DLGAP2: variants seen among roughly 807,000 people sequenced by gnomAD.
The protein encoded by DLGAP2 is disks large-associated protein 2.
Under a neutral mutation model 100.3 loss-of-function variants are expected in DLGAP2, and 26 were observed. That is an observed-to-expected ratio of 0.26 (90% CI 0.19 to 0.36). The LOEUF (loss-of-function observed/expected upper bound fraction) is 0.36, where lower values mean the gene tolerates loss of function less well. DLGAP2 is among the 10% of genes least tolerant of loss of function. The probability of loss-of-function intolerance (pLI) is 1.00; values close to 1 mark genes in which losing one functional copy is unlikely to be tolerated. For synonymous variants in DLGAP2, 886 were observed against 630.1 expected (o/e 1.41, Z -6.08); for missense variants, 1,858 against 1,453.2 (o/e 1.28, Z -4.53).
chr8:1,039,606 GCGTGGT>G lies in DLGAP2; in HGVS notation c.73+131642_73+131647del, dbSNP rs1563158805. 5.7e-4 allele frequency among the ~76,000 whole-genome samples: 51 copies of G among 88,822 alleles called. 6 individuals are homozygous for G. Among genetic ancestry groups the G allele is most frequent in the Middle Eastern group, 0.015 (2 of 136 alleles). The allele number at this position is 88,822 out of a possible 152,430, so 58.3% of individuals were successfully genotyped here. On this transcript the variant is annotated intron_variant, in intron 2 of 14. Transcript: ENST00000637795. ...TCGGTGTGCGTGGTCAGCTTGGTGT[GCGTGGT>G]CAGCTCGGTGTGCGTGGTCAGCTCG...
chr8:1,323,180 C>T (rs1177269451), intron 3 of DLGAP2, among the ~76,000 whole-genome samples: 3 of 152,022 alleles, frequency 2.0e-5, no homozygotes, highest in Non-Finnish European at 4.4e-5. Context: ...CAGGCACCAG[C>T]CTCCACGCCC....
intron 3 of DLGAP2, among the ~76,000 whole-genome samples, chr8:1,267,603 T>TAAAAAAAA (rs1250229921): frequency 1.5e-5 from 1 of 68,448 alleles, no homozygotes; most frequent in Non-Finnish European, 2.8e-5. Flanking sequence ...TAAGATAAGA[T>TAAAAAAAA]AAGATAAGAT....
At chr8:1,457,365 C>G (rs941947417) in intron 3 of DLGAP2, among the ~76,000 whole-genome samples, 8 of 152,188 alleles carry the variant, frequency 5.3e-5, no homozygotes, top group Non-Finnish European at 1.0e-4. Context: ...CCTGCTCCTG[C>G]TCTAAAATGA....
At chr8:800,683 T>C (rs11785128) in intron 1 of DLGAP2, among the ~76,000 whole-genome samples, 38,017 of 151,998 alleles carry the variant, frequency 0.25, 5,960 homozygotes, top group African/African-American at 0.44. Context: ...CATGTATGTG[T>C]ATGTGCATGT....
chr8:1,457,222 A>G (rs777182293), intron 3 of DLGAP2, among the ~76,000 whole-genome samples: 2 of 152,050 alleles, frequency 1.3e-5, no homozygotes, highest in Non-Finnish European at 2.9e-5. Flanking sequence ...GCTTATCTAC[A>G]TTTTTACAAG....
At chr8:955,942 G>A (rs953208428) in intron 2 of DLGAP2, among the ~76,000 whole-genome samples, 2 of 152,154 alleles carry the variant, frequency 1.3e-5, no homozygotes, top group African/African-American at 2.4e-5. Flanking sequence ...AGACCGCCCA[G>A]ATTGAAGTCT....
intron 2 of DLGAP2, among the ~76,000 whole-genome samples, chr8:1,102,564 C>G (rs976538003): frequency 6.6e-6 from 1 of 151,290 alleles, no homozygotes; most frequent in East Asian, 1.9e-4. Context: ...AATGTGTAGA[C>G]ATGGTCTCCT....
chr8:959,904 A>G (rs1490342473), intron 2 of DLGAP2, among the ~76,000 whole-genome samples: 2 of 152,202 alleles, frequency 1.3e-5, no homozygotes, highest in African/African-American at 4.8e-5. Flanking sequence ...TTGAGTGAAC[A>G]GCTGTCTCAA....
intron 1 of DLGAP2, among the ~76,000 whole-genome samples, chr8:842,470 C>T (rs753090576): frequency 5.9e-5 from 9 of 152,210 alleles, no homozygotes; most frequent in African/African-American, 1.4e-4. Context: ...TCTGTCTCAA[C>T]GCCAGAGGAC....
chr8:1,226,155 T>A (rs1798410932), intron 2 of DLGAP2, among the ~76,000 whole-genome samples: 1 of 152,256 alleles, frequency 6.6e-6, no homozygotes, highest in South Asian at 2.1e-4. Flanking sequence ...ATGGGCATTC[T>A]GTTATAAAGA....
At chr8:1,148,434 C>A (rs1292937375) in intron 2 of DLGAP2, among the ~76,000 whole-genome samples, 1 of 151,880 alleles carries the variant, frequency 6.6e-6, no homozygotes, top group African/African-American at 2.4e-5. Flanking sequence ...TTTTTCCCTA[C>A]ACTGTGTTTT....
chr8:1,103,233 G>A (rs908292337), intron 2 of DLGAP2, among the ~76,000 whole-genome samples: 8 of 152,170 alleles, frequency 5.3e-5, no homozygotes, highest in African/African-American at 1.9e-4. Flanking sequence ...GCGTCGTCTG[G>A]GGGTGTTTGG....
At chr8:1,380,488 C>T (rs889316473) in intron 3 of DLGAP2, among the ~76,000 whole-genome samples, 1 of 152,148 alleles carries the variant, frequency 6.6e-6, no homozygotes, top group African/African-American at 2.4e-5. Context: ...GCCAGAGATG[C>T]TCAGCTGCAC....
intron 1 of DLGAP2, among the ~76,000 whole-genome samples, chr8:743,857 G>A (rs568506051): frequency 7.9e-5 from 12 of 152,364 alleles, no homozygotes; most frequent in South Asian, 4.1e-4. Flanking sequence ...GGGCCACTGC[G>A]CGATGCCTTT....
intron 10 of DLGAP2, among the ~76,000 whole-genome samples, chr8:1,675,118 C>T (rs531457831): frequency 1.3e-5 from 2 of 152,350 alleles, no homozygotes; most frequent in South Asian, 2.1e-4. Flanking sequence ...TCTGCAAACA[C>T]GCATCCCAGT....
At chr8:1,303,552 G>A (rs949215394) in intron 3 of DLGAP2, among the ~76,000 whole-genome samples, 9 of 152,088 alleles carry the variant, frequency 5.9e-5, no homozygotes, top group African/African-American at 2.2e-4. Context: ...TTATCCATTA[G>A]GTTTAATGCG....
intron 2 of DLGAP2, among the ~76,000 whole-genome samples, chr8:1,068,966 G>A (rs1051997773): frequency 3.3e-5 from 5 of 152,174 alleles, no homozygotes; most frequent in African/African-American, 1.2e-4. Context: ...TTTGACCTCT[G>A]TGGGACCCAG....
At chr8:849,957 G>A (rs1797154003) in intron 1 of DLGAP2, among the ~76,000 whole-genome samples, 1 of 151,804 alleles carries the variant, frequency 6.6e-6, no homozygotes. Context: ...CCAGCTACTT[G>A]GGAGGCTGAG....
intron 14 of DLGAP2, 148 bp from the exon 15 acceptor site, chr8:1,701,040 C>T (rs922976845): frequency 5.6e-5 from 40 of 716,752 alleles, no homozygotes; most frequent in South Asian, 4.7e-4. Flanking sequence ...GAGCCGGGGA[C>T]CAGGGCAGAC....
Sources: allele counts gnomAD v4.1 joint callset (sites outside exome capture counted in the v4.1 genomes callset), GRCh38; gene constraint gnomAD v4.1.1; transcripts MANE v1.5; gene names NCBI Gene and HGNC (gene_info 2026-07-23, HGNC 2026-07-21).